The following HOOK3 variants were observed in gnomAD, a reference collection of about 807,000 sequenced individuals.
The protein encoded by HOOK3 is hook microtubule tethering protein 3.
A neutral mutation model predicts 116.3 loss-of-function variants in HOOK3; 24 were observed. The observed-to-expected ratio is 0.21, with a 90% CI of 0.15 to 0.29. The LOEUF (loss-of-function observed/expected upper bound fraction) is 0.29, where lower values mean the gene tolerates loss of function less well. Ranked by LOEUF, HOOK3 falls within the 10% of genes least tolerant of loss-of-function variation. The pLI is 1.00. For missense variants in HOOK3, 632 were observed against 830.2 expected, an observed-to-expected ratio of 0.76 and a Z score of 2.93; for synonymous variants, 275 against 283.0, an observed-to-expected ratio of 0.97 and a Z score of 0.28.
At chr8:42,920,391 A>T (rs958860756) in intron 2 of HOOK3, among the ~76,000 whole-genome samples, 2 of 152,256 alleles carry the variant, frequency 1.3e-5, no homozygotes, top group Admixed American at 6.5e-5. Flanking sequence ...AAAGTTTACC[A>T]GGGAAAGTAA....
At chr8:42,938,250 T>C (rs962995434) in intron 4 of HOOK3, among the ~76,000 whole-genome samples, 1 of 148,516 alleles carries the variant, frequency 6.7e-6, no homozygotes, top group African/African-American at 2.5e-5. Context: ...ATTTGCTTGG[T>C]AAATCTTCCT....
intron 2 of HOOK3, among the ~76,000 whole-genome samples, chr8:42,923,060 G>A (rs1018377530): frequency 2.0e-5 from 3 of 152,108 alleles, no homozygotes; most frequent in African/African-American, 4.8e-5. Context: ...ATTTGAATAG[G>A]CTTTTTTCCC....
intron 16 of HOOK3, chr8:43,000,790 C>T (rs1809364834): frequency 6.6e-6 from 1 of 152,564 alleles, no homozygotes; most frequent in African/African-American, 2.4e-5. Flanking sequence ...ATGACAGTGT[C>T]TATGACATGA....
At chr8:42,898,157 T>C (rs1807086633) in intron 1 of HOOK3, among the ~76,000 whole-genome samples, 1 of 152,246 alleles carries the variant, frequency 6.6e-6, no homozygotes. Context: ...GTCACGATCC[T>C]GTGCAAGGCA....
At chr8:42,900,378 A>G (rs1807161453) in intron 1 of HOOK3, among the ~76,000 whole-genome samples, 1 of 152,164 alleles carries the variant, frequency 6.6e-6, no homozygotes. Flanking sequence ...AGACTGAAAA[A>G]CGAAGTCTAC....
intron 1 of HOOK3, 123 bp downstream of exon 1, chr8:42,897,311 C>G: frequency 1.3e-4 from 52 of 403,312 alleles, no homozygotes; most frequent in Middle Eastern, 7.6e-4. Flanking sequence ...GGGCCTGGGG[C>G]GGGCGGGGCG....
chr8:42,953,867 G>A (rs1808386572), intron 6 of HOOK3, among the ~76,000 whole-genome samples: 1 of 152,098 alleles, frequency 6.6e-6, no homozygotes, highest in African/African-American at 2.4e-5. Flanking sequence ...ACTTGCTCAG[G>A]TTCGCATAGA....
At chr8:42,967,696 A>G (rs1326472054) in intron 10 of HOOK3, among the ~76,000 whole-genome samples, 1 of 151,604 alleles carries the variant, frequency 6.6e-6, no homozygotes, top group African/African-American at 2.4e-5. Context: ...TGCCCACACT[A>G]CCCCACTGAA....
chr8:42,938,282 A>G (rs1320708130), intron 4 of HOOK3, among the ~76,000 whole-genome samples: 1 of 142,358 alleles, frequency 7.0e-6, no homozygotes, highest in Non-Finnish European at 1.5e-5. Flanking sequence ...TTTTGAGCCT[A>G]TATGTGTCTT....
At chr8:42,933,241 G>A (rs547242264) in intron 4 of HOOK3, among the ~76,000 whole-genome samples, 26 of 152,282 alleles carry the variant, frequency 1.7e-4, no homozygotes, top group African/African-American at 6.3e-4. Flanking sequence ...AAAAGTGTGA[G>A]ATTGTATATG....
At chr8:42,927,246 T>C (rs1238335987) in intron 3 of HOOK3, among the ~76,000 whole-genome samples, 3 of 129,944 alleles carry the variant, frequency 2.3e-5, no homozygotes, top group Non-Finnish European at 5.1e-5. Flanking sequence ...ATGGCACTGG[T>C]TTTTTTTTTT....
intron 13 of HOOK3, among the ~76,000 whole-genome samples, chr8:42,977,594 C>T (rs1808852598): frequency 6.6e-6 from 1 of 152,162 alleles, no homozygotes; most frequent in South Asian, 2.1e-4. Flanking sequence ...AGGCTGGGCA[C>T]AGTGGCTCAC....
At chr8:42,995,239 A>G (rs1170720688) in intron 15 of HOOK3, among the ~76,000 whole-genome samples, 2 of 151,544 alleles carry the variant, frequency 1.3e-5, no homozygotes, top group Non-Finnish European at 3.0e-5. Context: ...TTTGGATTCT[A>G]AACACTCATT....
intron 15 of HOOK3, among the ~76,000 whole-genome samples, chr8:42,987,453 T>G (rs1477575207): frequency 6.6e-6 from 1 of 152,224 alleles, no homozygotes; most frequent in East Asian, 1.9e-4. Flanking sequence ...TCACAGTTGT[T>G]GTCGGGCTAA....
chr8:42,938,892 C>T (rs1048018680), intron 4 of HOOK3, among the ~76,000 whole-genome samples: 1 of 152,030 alleles, frequency 6.6e-6, no homozygotes, highest in African/African-American at 2.4e-5. Context: ...TCCCTGGGTA[C>T]TTGAGATTAG....
chr8:42,966,112 G>A (rs149432694), intron 9 of HOOK3, among the ~76,000 whole-genome samples: 12 of 152,110 alleles, frequency 7.9e-5, no homozygotes, highest in Non-Finnish European at 2.9e-5. Context: ...TTCATAAAGA[G>A]TATGTTGTTT....
intron 1 of HOOK3, among the ~76,000 whole-genome samples, chr8:42,904,037 A>C (rs1272727211): frequency 6.6e-6 from 1 of 152,182 alleles, no homozygotes; most frequent in Non-Finnish European, 1.5e-5. Flanking sequence ...TAAGAGAATA[A>C]ATTGCTACAG....
intron 13 of HOOK3, among the ~76,000 whole-genome samples, chr8:42,976,887 A>G (rs1476144450): frequency 6.6e-6 from 1 of 152,106 alleles, no homozygotes; most frequent in Non-Finnish European, 1.5e-5. Context: ...CAAAACAAAG[A>G]AAGAATGGTG....
chr8:42,965,025 A>T (rs1808608258), intron 9 of HOOK3, among the ~76,000 whole-genome samples: 1 of 152,226 alleles, frequency 6.6e-6, no homozygotes, highest in African/African-American at 2.4e-5. Context: ...AGTGAGAGGG[A>T]GTACCCCACA....
Sources: gnomAD v4.1 joint callset for allele counts (sites outside exome capture counted in the v4.1 genomes callset) on GRCh38, gnomAD v4.1.1 for gene constraint, MANE v1.5 for transcripts, NCBI Gene and HGNC (gene_info 2026-07-23, HGNC 2026-07-21) for gene names.